Variants in ADCY6 observed in about 807,000 individuals in gnomAD.
ADCY6 encodes adenylate cyclase 6.
In ADCY6, 59 loss-of-function variants were observed where a neutral mutation model predicts 111.6. That is an observed-to-expected ratio of 0.53 (90% CI 0.43 to 0.66). The LOEUF (loss-of-function observed/expected upper bound fraction) is 0.66. Among genes scored for constraint, ADCY6 ranks in the 30% least tolerant of loss-of-function variants. The pLI is 0.00. For synonymous variants in ADCY6, 576 were observed against 642.9 expected (o/e 0.90, Z 1.57); for missense variants, 1,242 against 1,595.6 (o/e 0.78, Z 3.78).
In ADCY6 at chr12:48,783,109, T is replaced by TCGGGCGCCACCTCAG; in HGVS notation, c.311_325dup (p.Ala104_Pro108dup). The TCGGGCGCCACCTCAG allele has an allele frequency of 1.1e-5, 18 of 1,610,372 alleles. No individual in the cohort carries two copies. Among genetic ancestry groups the TCGGGCGCCACCTCAG allele is most frequent in the Non-Finnish European group, 1.5e-5 (18 of 1,179,180 alleles). Reference sequence around the variant, plus strand: ...GGATCGCCCACTCCTGGGCACCGCGTCGGGCGCCACCTCAGCCGTCCCGCC... The same window carrying TCGGGCGCCACCTCAG: ...GGATCGCCCACTCCTGGGCACCGCGTCGGGCGCCACCTCAGCGGGCGCCACCTCAGCCGTCCCGCC... On this transcript the variant is annotated inframe_insertion, in exon 2 of 22. Coordinates refer to ENST00000357869, the MANE Select transcript of ADCY6 (RefSeq NM_015270.5).
chr12:48,778,038 A>G lies in ADCY6; in HGVS notation c.1014+70T>C, dbSNP rs1353156989. ...TGTGCTGCACGGAACTGGACAAGGC[A>G]GCAGATCCAATGTGCAAGTTATTTG... On this transcript the variant is annotated intron_variant, in intron 3 of 21. Coordinates refer to ENST00000357869, the MANE Select transcript of ADCY6 (RefSeq NM_015270.5). The G allele has an allele frequency of 1.3e-5, 20 of 1,539,498 alleles. No homozygotes were observed. The East Asian group carries it at 4.6e-4, about 35-fold the overall frequency.
At position 48,782,874 on chromosome 12, in the gene ADCY6, G is replaced by C. The variant is rs141293016; in HGVS notation, c.561C>G (p.Ala187=). 6.2e-7 allele frequency: 1 copy of C among 1,613,890 alleles called. No homozygotes were observed. The highest frequency in any genetic ancestry group is 8.5e-7 in the Non-Finnish European group (1 of 1,179,966). Reference sequence around the variant, plus strand: ...CCATGAGCCCCACGAACAGGGCGGCGGCACAGGCCAACAGTGCCACATAGG... The same window carrying C: ...CCATGAGCCCCACGAACAGGGCGGCCGCACAGGCCAACAGTGCCACATAGG... ...QPAYVALLAC[A]AALFVGLMVV... The change falls in exon 2 of 22, where the codon GCC becomes GCG. Residue 187 remains alanine (A), a synonymous_variant. Coordinates refer to ENST00000357869, the MANE Select transcript of ADCY6 (RefSeq NM_015270.5). The surrounding 1 kb of genome is among the most constrained non-coding windows in gnomAD (Gnocchi z 4.3).
In ADCY6 at chr12:48,775,447, C is replaced by T. The variant is rs879282386; in HGVS notation, c.1836G>A (p.Arg612=). 20 of 1,613,868 alleles carry T rather than the reference C, an allele frequency of 1.2e-5. No homozygotes were observed. Among genetic ancestry groups the T allele is most frequent in the Non-Finnish European group, 1.7e-5 (20 of 1,179,986 alleles). The change falls in exon 11 of 22, where the codon CGG becomes CGA. Residue 612 remains arginine, a synonymous_variant. Transcript: ENST00000357869. ...CAGGGTTCAGGGCATCTTGGGTGCC[C>T]CGGCTGAGGGCAGGAGACATGGTTT... ...MGIDDSSKDN[R]GTQDALNPED... is the part of the protein sequence containing the mutation.
In ADCY6 at chr12:48,772,513, C is replaced by T. The variant is rs375436003; in HGVS notation, c.2652G>A (p.Leu884=). The change falls in exon 17 of 22, where the codon CTG becomes CTA. Residue 884 remains leucine, a synonymous_variant. Transcript: ENST00000357869. ...GCCTCGGAGCCCTCACTTACCAGTC[C>T]AGCCCATCAAAGGTCTCATTGGAAG... ...LASSNETFDG[L]DCPAAGRVAL... is the part of the protein sequence containing the mutation. 201 of 1,614,188 alleles carry T rather than the reference C, an allele frequency of 1.2e-4. 4 individuals are homozygous for T. In the South Asian group the frequency reaches 2.1e-3, roughly 17 times the overall value.
chr12:48,772,253 C>T lies in ADCY6; in HGVS notation c.2787+42G>A, dbSNP rs1422235464. On this transcript the variant is annotated intron_variant, in intron 18 of 21. Transcript: ENST00000357869. ...CATTTCTGGCCTGGCCCAGGCTCCG[C>T]CCCTAGGTTCCTCCTCTTCCCCCAA... The T allele has an allele frequency of 3.8e-6, 6 of 1,579,540 alleles. No homozygotes were observed. The East Asian group carries it at 1.3e-4, about 35-fold the overall frequency.
Position 48,775,982 on chromosome 12 carries a change from G to T in ADCY6, c.1787C>A (p.Ser596Tyr). The T allele has an allele frequency of 1.2e-6, 2 of 1,607,694 alleles. No homozygotes were observed. Among genetic ancestry groups the T allele is most frequent in the Non-Finnish European group, 1.7e-6 (2 of 1,177,036 alleles). Residue 596 changes from serine (S) to tyrosine (Y), a missense_variant, in exon 9 of 22, where the codon TCC becomes TAC. Coordinates refer to ENST00000357869, the MANE Select transcript of ADCY6 (RefSeq NM_015270.5). Reference sequence around the variant, plus strand: ...CCTCACCATCTGGCGGAAGGCCTTGGAGTCCTTGGTCCGGGAGAAGGCACG... The same window carrying T: ...CCTCACCATCTGGCGGAAGGCCTTGTAGTCCTTGGTCCGGGAGAAGGCACG... ...PDRAFSRTKD[S>Y]KAFRQMGIDD...
chr12:48,775,130 A>G, intron 11 of ADCY6, 76 bp from the exon 12 acceptor site: 1 of 1,457,390 alleles, frequency 6.9e-7, no homozygotes, highest in Non-Finnish European at 9.4e-7. Context: ...GGGCACTACC[A>G]GGGGTCTCAA....
At chr12:48,772,087 C>T (rs374254371) in intron 18 of ADCY6, 114 bp from the exon 19 acceptor site, 4 of 1,447,774 alleles carry the variant, frequency 2.8e-6, no homozygotes, top group South Asian at 1.4e-5. Context: ...AAGGCCCAGA[C>T]AGATGAGGCC....
intron 15 of ADCY6, 105 bp downstream of exon 15, chr12:48,773,835 T>C: frequency 1.3e-6 from 2 of 1,497,064 alleles, no homozygotes; most frequent in East Asian, 2.4e-5. Flanking sequence ...TGTGGGAGAC[T>C]CTGGTGAGTT....
chr12:48,785,843 T>C (rs1247648555), intron 1 of ADCY6, among the ~76,000 whole-genome samples: 1 of 151,902 alleles, frequency 6.6e-6, no homozygotes, highest in African/African-American at 2.4e-5. Flanking sequence ...AAAACTGAGG[T>C]CCATGGCAGT....
At chr12:48,780,513 G>A (rs1238059527) in intron 2 of ADCY6, among the ~76,000 whole-genome samples, 2 of 152,186 alleles carry the variant, frequency 1.3e-5, no homozygotes, top group African/African-American at 2.4e-5. Flanking sequence ...AGTGAATTTC[G>A]CCACTGCCCC....
At chr12:48,778,967 C>T (rs1941779123) in intron 2 of ADCY6, among the ~76,000 whole-genome samples, 1 of 149,244 alleles carries the variant, frequency 6.7e-6, no homozygotes, top group Non-Finnish European at 1.5e-5. Context: ...CAACCTCCGC[C>T]TCCCAGTTCA....
chr12:48,774,917 G>A, intron 12 of ADCY6, 40 bp downstream of exon 12: 1 of 1,534,886 alleles, frequency 6.5e-7, no homozygotes, highest in Non-Finnish European at 8.8e-7. Flanking sequence ...CTGGGAAGTG[G>A]TGAAGAGAGA....
chr12:48,774,601 G>T, intron 13 of ADCY6, 83 bp from the exon 14 acceptor site: 1 of 1,567,264 alleles, frequency 6.4e-7, no homozygotes. Context: ...AGTGGAAGAG[G>T]CATGGCCTTC....
At chr12:48,789,714 A>G (rs1278567730), upstream of ADCY6, 3 of 151,626 alleles carry the variant, frequency 2.0e-5, no homozygotes, top group Admixed American at 6.6e-5. Flanking sequence ...GCTTGCCCGC[A>G]CACCACTTCT....
At chr12:48,769,935 G>C (rs940456455) in intron 20 of ADCY6, among the ~76,000 whole-genome samples, 2 of 151,744 alleles carry the variant, frequency 1.3e-5, no homozygotes, top group Admixed American at 1.3e-4. Flanking sequence ...CTAATTTTTT[G>C]TATTTTTAGT....
Position 48,776,606 on chromosome 12 carries a change from G to T in ADCY6, c.1377-20C>A. ...ACCAGCCTGGGAGGATGCAGCCCCAGATCAGCTCCTGGCAGTCTTCCCCTC... is the reference window on the plus strand; with the variant it reads ...ACCAGCCTGGGAGGATGCAGCCCCATATCAGCTCCTGGCAGTCTTCCCCTC... On this transcript the variant is annotated intron_variant, in intron 6 of 21. Transcript: ENST00000357869. This position sits in a 1 kb window ranked among gnomAD's most constrained non-coding sequence, Gnocchi z 6.1. The T allele has an allele frequency of 1.9e-6, 3 of 1,594,180 alleles. No individual in the cohort carries two copies. The highest frequency in any genetic ancestry group is 2.6e-6 in the Non-Finnish European group (3 of 1,172,212).
At chr12:48,774,189 C>A (rs190469435) in intron 14 of ADCY6, 91 bp from the exon 15 acceptor site, 3 of 1,289,254 alleles carry the variant, frequency 2.3e-6, no homozygotes, top group East Asian at 5.0e-5. Flanking sequence ...CTGGGCTATG[C>A]CCAGGTACCT....
chr12:48,783,266 G>A lies in ADCY6; in HGVS notation c.169C>T (p.Pro57Ser). Residue 57 changes from proline (P) to serine (S), a missense_variant, in exon 2 of 22, where the codon CCT becomes TCT. Physicochemically the swap from Pro to Ser is moderately conservative, Grantham distance 74 (BLOSUM62 -1). Around this residue, in one of 4 missense-constraint regions of ADCY6, gnomAD observed 362 missense variants for 377.2 expected, o/e 0.96. Transcript: ENST00000357869. ...LRDAEPPSPT[P>S]AGPPRCPWQD... ...CAGGGGCACCGAGGGGGGCCCGCAG[G>A]GGTGGGGCTGGGTGGCTCTGCATCC... 2.5e-6 allele frequency: 4 copies of A among 1,611,394 alleles called. No individual in the cohort carries two copies. In the South Asian group the frequency reaches 3.3e-5, roughly 13 times the overall value.
Sources: allele counts gnomAD v4.1 joint callset (sites outside exome capture counted in the v4.1 genomes callset), GRCh38; gene constraint gnomAD v4.1.1; regional missense constraint gnomAD v4.1.1; non-coding constraint Gnocchi (gnomAD v3.1); transcripts MANE v1.5; gene names NCBI Gene and HGNC (gene_info 2026-07-23, HGNC 2026-07-21).